The following ZC3H7B variants were observed in gnomAD, a reference collection of about 807,000 sequenced individuals.
ZC3H7B encodes zinc finger CCCH domain-containing protein 7B.
A neutral mutation model predicts 116.0 loss-of-function variants in ZC3H7B; 35 were observed. The observed-to-expected ratio is 0.30, with a 90% CI of 0.23 to 0.40. The LOEUF is 0.40. ZC3H7B is among the 10% of genes least tolerant of loss of function. The pLI, the probability that ZC3H7B is intolerant of heterozygous loss-of-function variation, is 1.00. For synonymous variants in ZC3H7B, 502 were observed against 545.6 expected, an observed-to-expected ratio of 0.92 and a Z score of 1.11; for missense variants, 1,011 against 1,321.5, an observed-to-expected ratio of 0.77 and a Z score of 3.64.
intron 5 of ZC3H7B, among the ~76,000 whole-genome samples, chr22:41,329,298 G>A (rs548773805): frequency 1.8e-4 from 25 of 139,048 alleles, no homozygotes; most frequent in South Asian, 4.5e-4. Flanking sequence ...TTGCTCTGTC[G>A]TCCAGGCTGG....
intron 1 of ZC3H7B, among the ~76,000 whole-genome samples, chr22:41,304,248 A>G (rs527380287): frequency 7.6e-4 from 112 of 147,884 alleles, no homozygotes; most frequent in African/African-American, 2.7e-3. Flanking sequence ...TTTTTTTGAC[A>G]GAGTCTCACT....
intron 1 of ZC3H7B, among the ~76,000 whole-genome samples, chr22:41,313,331 C>G (rs907134077): frequency 6.6e-6 from 1 of 152,100 alleles, no homozygotes. Context: ...GTGACGAGGT[C>G]TGGATCTCCT....
chr22:41,303,991 T>C (rs991821848), intron 1 of ZC3H7B, among the ~76,000 whole-genome samples: 5 of 152,190 alleles, frequency 3.3e-5, no homozygotes, highest in African/African-American at 1.2e-4. Flanking sequence ...TCTCCTGACC[T>C]CGTGATCCAG....
chr22:41,321,685 G>C (rs774339748), intron 2 of ZC3H7B, among the ~76,000 whole-genome samples: 3 of 152,014 alleles, frequency 2.0e-5, no homozygotes, highest in Non-Finnish European at 4.4e-5. Context: ...CAACAGCCCA[G>C]TAAAGTAGGT....
chr22:41,329,258 C>CT lies in ZC3H7B; in HGVS notation c.445-747dup, dbSNP rs368796113. Among the ~76,000 whole-genome samples, 522 of 114,748 alleles carry CT rather than the reference C, an allele frequency of 4.5e-3. 2 individuals are homozygous for CT. The highest frequency in any genetic ancestry group is 0.012 in the South Asian group (39 of 3,314). The allele number at this position is 114,748 out of a possible 152,430, so 75.3% of individuals were successfully genotyped here. A position where few individuals can be genotyped will look rare whatever the true frequency, so the allele number is the denominator to read the frequency against. On this transcript the variant is annotated intron_variant, in intron 5 of 22. Transcript: ENST00000352645. ...CAAATCCCCACAAAACAAAACTAAG[C>CT]TTTTTTTTTTTTTTTTTTGAGACAG...
In ZC3H7B at chr22:41,346,071, G is replaced by A. The variant is rs2036581514; in HGVS notation, c.1528G>A (p.Asp510Asn). ...CTTCGCCTACCATCAGGAGGAGATC[G>A]ACGTGTGGACCGAGGAGCGGAAGGG... ...CTFAYHQEEI[D>N]VWTEERKGTL... Residue 510 changes from aspartate to asparagine, a missense_variant, in exon 14 of 23, where the codon GAC becomes AAC. By Grantham distance (23) the Asp-to-Asn change is conservative. Transcript: ENST00000352645. This position sits in a 1 kb window ranked among gnomAD's most constrained non-coding sequence, Gnocchi z 5.3. The A allele has an allele frequency of 7.4e-6, 12 of 1,613,930 alleles. No individual in the cohort carries two copies. Among genetic ancestry groups the A allele is most frequent in the South Asian group, 2.2e-5 (2 of 91,090 alleles).
chr22:41,357,080 G>A lies in ZC3H7B; in HGVS notation c.2682-97G>A. The stretch of plus-strand genomic sequence containing the variant: ...GCTGGGACCCAGCTGCCCAGGGAGA[G>A]GCTTGTCTTCGGGGAGGTCAAGCGG... On this transcript the variant is annotated intron_variant, in intron 22 of 22. Coordinates refer to ENST00000352645, the MANE Select transcript of ZC3H7B (RefSeq NM_017590.6). This position sits in a 1 kb window ranked among gnomAD's most constrained non-coding sequence, Gnocchi z 5.4. 5 of 1,538,342 alleles carry A rather than the reference G, an allele frequency of 3.3e-6. No homozygotes were observed. The highest frequency in any genetic ancestry group is 2.6e-6 in the Non-Finnish European group (3 of 1,146,414).
chr22:41,349,756 G>A lies in ZC3H7B; in HGVS notation c.1948+455G>A, dbSNP rs1267269205. Among the ~76,000 whole-genome samples the A allele has an allele frequency of 6.6e-6, 1 of 152,178 alleles. No individual in the cohort carries two copies. Among genetic ancestry groups the A allele is most frequent in the African/African-American group, 2.4e-5 (1 of 41,436 alleles). On this transcript the variant is annotated intron_variant, in intron 16 of 22. Coordinates refer to ENST00000352645, the MANE Select transcript of ZC3H7B (RefSeq NM_017590.6). This position sits in a 1 kb window ranked among gnomAD's most constrained non-coding sequence, Gnocchi z 4.9. ...TCCACTCACCCACCAGGGATTTACT[G>A]AGCACCTTCTCTTGTCAGGGCATTC...
chr22:41,343,011 A>G (rs113365491), intron 12 of ZC3H7B, among the ~76,000 whole-genome samples: 4,646 of 152,198 alleles, frequency 0.031, 225 homozygotes, highest in African/African-American at 0.1. Flanking sequence ...TGTCTCTACT[A>G]AAAATACAAA....
chr22:41,315,938 C>G (rs1479256356), intron 1 of ZC3H7B, among the ~76,000 whole-genome samples: 1 of 152,128 alleles, frequency 6.6e-6, no homozygotes, highest in African/African-American at 2.4e-5. Context: ...CTTCATCCCC[C>G]CAAATTCACG....
At position 41,321,829 on chromosome 22, in the gene ZC3H7B, CTTTTTTTTTTT is replaced by C. The variant is rs199611879; in HGVS notation, c.53+1134_53+1144del. Reference sequence around the variant, plus strand: ...GACCACAAAACTCAAAACTCACATTCTTTTTTTTTTTTTTTTTTTTTTTTTTTTGAGACGGA... The same window carrying C: ...GACCACAAAACTCAAAACTCACATTCTTTTTTTTTTTTTTTTTGAGACGGA... On this transcript the variant is annotated intron_variant, in intron 2 of 22. Transcript: ENST00000352645. 1.6e-4 allele frequency among the ~76,000 whole-genome samples: 15 copies of C among 91,024 alleles called. 1 individual carries two copies. The highest frequency in any genetic ancestry group is 5.1e-4 in the African/African-American group (9 of 17,670). 59.7% of individuals were successfully genotyped at this position (91,024 alleles called of 152,430 possible).
intron 6 of ZC3H7B, among the ~76,000 whole-genome samples, chr22:41,331,660 C>T (rs752794450): frequency 6.6e-6 from 1 of 151,272 alleles, no homozygotes; most frequent in Non-Finnish European, 1.5e-5. Context: ...TGCTTGAGCT[C>T]AGGAGTTCAA....
chr22:41,307,136 G>A (rs1221986227), intron 1 of ZC3H7B, among the ~76,000 whole-genome samples: 1 of 151,952 alleles, frequency 6.6e-6, no homozygotes, highest in African/African-American at 2.4e-5. Flanking sequence ...ACCACACCTG[G>A]CTAATTTTTT....
intron 5 of ZC3H7B, among the ~76,000 whole-genome samples, chr22:41,328,002 C>T (rs1302414602): frequency 1.3e-5 from 2 of 152,112 alleles, no homozygotes; most frequent in African/African-American, 4.8e-5. Context: ...TGGCACGCAC[C>T]TGAGATCCCA....
At position 41,320,636 on chromosome 22, in the gene ZC3H7B, A is replaced by G. The variant is rs1168774500; in HGVS notation, c.-6-19A>G. On this transcript the variant is annotated intron_variant, in intron 1 of 22. Coordinates refer to ENST00000352645, the MANE Select transcript of ZC3H7B (RefSeq NM_017590.6). Reference sequence around the variant, plus strand: ...CTGGCTCTTGCTGACTGACTGATGGACTGTGCTCTCTTCCCCAGAGACTGA... The same window carrying G: ...CTGGCTCTTGCTGACTGACTGATGGGCTGTGCTCTCTTCCCCAGAGACTGA... 6.2e-7 allele frequency: 1 copy of G among 1,613,408 alleles called. No homozygotes were observed. The highest frequency in any genetic ancestry group is 8.5e-7 in the Non-Finnish European group (1 of 1,179,702).
chr22:41,327,438 C>G lies in ZC3H7B; in HGVS notation c.444+74C>G. 1 of 1,554,928 alleles carries G rather than the reference C, an allele frequency of 6.4e-7. No individual in the cohort carries two copies. Among genetic ancestry groups the G allele is most frequent in the African/African-American group, 1.3e-5 (1 of 74,146 alleles). ...TCTGACCTTCCGGCCCTCACTTGGG[C>G]CCAGCCACCACATCCTTCTGTGTCT... On this transcript the variant is annotated intron_variant, in intron 5 of 22. Coordinates refer to ENST00000352645, the MANE Select transcript of ZC3H7B (RefSeq NM_017590.6). This position sits in a 1 kb window ranked among gnomAD's most constrained non-coding sequence, Gnocchi z 4.5.
At position 41,327,918 on chromosome 22, in the gene ZC3H7B, G is replaced by A. The variant is rs768834886; in HGVS notation, c.444+554G>A. On this transcript the variant is annotated intron_variant, in intron 5 of 22. Transcript: ENST00000352645. This position sits in a 1 kb window ranked among gnomAD's most constrained non-coding sequence, Gnocchi z 4.5. Reference sequence around the variant, plus strand: ...GCGGGAGGATCACTTGAGCTCAGGAGTTTGCAACTAGCCTGAGCAACATAG... The same window carrying A: ...GCGGGAGGATCACTTGAGCTCAGGAATTTGCAACTAGCCTGAGCAACATAG... 2.6e-5 allele frequency among the ~76,000 whole-genome samples: 4 copies of A among 152,184 alleles called. No homozygotes were observed. The highest frequency in any genetic ancestry group is 1.3e-4 in the Admixed American group (2 of 15,278).
intron 1 of ZC3H7B, among the ~76,000 whole-genome samples, chr22:41,308,673 C>G (rs532662424): frequency 1.3e-5 from 2 of 152,328 alleles, no homozygotes; most frequent in African/African-American, 4.8e-5. Context: ...GCTCCTGTCA[C>G]TCTTCTGCTG....
At chr22:41,325,439 C>T (rs2036305397) in intron 2 of ZC3H7B, 125 bp from the exon 3 acceptor site, 1 of 1,296,472 alleles carries the variant, frequency 7.7e-7, no homozygotes, top group Non-Finnish European at 1.1e-6. Context: ...GAGAAGAAAA[C>T]CGCAGTCTGT....
Sources: allele counts gnomAD v4.1 joint callset (sites outside exome capture counted in the v4.1 genomes callset), GRCh38; gene constraint gnomAD v4.1.1; non-coding constraint Gnocchi (gnomAD v3.1); transcripts MANE v1.5; gene names NCBI Gene and HGNC (gene_info 2026-07-23, HGNC 2026-07-21).